GRB10: variants seen among roughly 807,000 people sequenced by gnomAD.
GRB10 encodes the protein growth factor receptor-bound protein 10.
In GRB10, 20 loss-of-function variants were observed where a neutral mutation model predicts 80.9. The ratio of observed to expected loss-of-function variants is 0.25; its 90% CI spans 0.17 to 0.36. The LOEUF (loss-of-function observed/expected upper bound fraction) is 0.36. Among genes scored for constraint, GRB10 ranks in the 10% least tolerant of loss-of-function variants. The probability of loss-of-function intolerance (pLI) is 1.00; values close to 1 mark genes in which losing one functional copy is unlikely to be tolerated. For missense variants in GRB10, 548 were observed against 747.7 expected, an observed-to-expected ratio of 0.73 and a Z score of 3.12; for synonymous variants, 291 against 291.5, an observed-to-expected ratio of 1.00 and a Z score of 0.02.
intron 3 of GRB10, among the ~76,000 whole-genome samples, chr7:50,735,529 C>A (rs2070655902): frequency 6.6e-6 from 1 of 152,012 alleles, no homozygotes; most frequent in Admixed American, 6.6e-5. Context: ...GTAGGTTGAA[C>A]ATGAAAATGA....
At chr7:50,762,971 A>G (rs2075921883) in intron 2 of GRB10, among the ~76,000 whole-genome samples, 1 of 152,168 alleles carries the variant, frequency 6.6e-6, no homozygotes, top group South Asian at 2.1e-4. Context: ...CAAAAAAATT[A>G]GCTGAGCATG....
chr7:50,602,697 T>C (rs796268200), intron 17 of GRB10, among the ~76,000 whole-genome samples: 6 of 152,340 alleles, frequency 3.9e-5, no homozygotes, highest in African/African-American at 1.4e-4. Flanking sequence ...CTCAACTTAA[T>C]TTAAAGGAGT....
intron 5 of GRB10, among the ~76,000 whole-genome samples, chr7:50,683,376 A>G (rs1184751495): frequency 6.6e-6 from 1 of 152,148 alleles, no homozygotes; most frequent in East Asian, 1.9e-4. Flanking sequence ...AGTTCTATGG[A>G]TGGATGGTGG....
intron 3 of GRB10, among the ~76,000 whole-genome samples, chr7:50,747,841 C>A (rs949087609): frequency 6.6e-6 from 1 of 151,686 alleles, no homozygotes; most frequent in South Asian, 2.1e-4. Context: ...AGAAGGAGGG[C>A]GTCTCCAGAC....
At chr7:50,662,666 T>A (rs752157643) in intron 7 of GRB10, among the ~76,000 whole-genome samples, 2 of 152,242 alleles carry the variant, frequency 1.3e-5, no homozygotes, top group African/African-American at 4.8e-5. Context: ...TTGTGGAGCT[T>A]CAGGACCTTG....
At chr7:50,621,454 C>T (rs537239165) in intron 8 of GRB10, among the ~76,000 whole-genome samples, 10 of 152,330 alleles carry the variant, frequency 6.6e-5, no homozygotes, top group East Asian at 1.9e-4. Flanking sequence ...ACTCCCTTTT[C>T]GTCACTCACA....
intron 5 of GRB10, among the ~76,000 whole-genome samples, chr7:50,687,960 G>C (rs982588554): frequency 6.6e-6 from 1 of 152,218 alleles, no homozygotes; most frequent in African/African-American, 2.4e-5. Context: ...CGTCTGTTCT[G>C]CTCAATGCAG....
At chr7:50,681,336 A>G (rs187729429) in intron 5 of GRB10, among the ~76,000 whole-genome samples, 1 of 152,338 alleles carries the variant, frequency 6.6e-6, no homozygotes, top group East Asian at 1.9e-4. Flanking sequence ...CCTGAGCTGC[A>G]TCCCTGGCCC....
At chr7:50,722,720 G>A (rs900016795) in intron 4 of GRB10, among the ~76,000 whole-genome samples, 1 of 152,008 alleles carries the variant, frequency 6.6e-6, no homozygotes, top group Non-Finnish European at 1.5e-5. Context: ...GGGGTGACAG[G>A]GTACCGCCCC....
At chr7:50,621,240 CAG>C (rs897848916) in intron 8 of GRB10, among the ~76,000 whole-genome samples, 1 of 152,240 alleles carries the variant, frequency 6.6e-6, no homozygotes, top group Non-Finnish European at 1.5e-5. Flanking sequence ...TGTAAACACA[CAG>C]GGGGACGTGT....
At chr7:50,620,518 C>T (rs927742170) in intron 8 of GRB10, among the ~76,000 whole-genome samples, 4 of 152,182 alleles carry the variant, frequency 2.6e-5, no homozygotes, top group South Asian at 2.1e-4. Context: ...GGAGCTGATT[C>T]GTGCTCGGCC....
intron 2 of GRB10, among the ~76,000 whole-genome samples, chr7:50,770,497 C>T (rs2076882123): frequency 1.3e-5 from 2 of 152,194 alleles, no homozygotes; most frequent in African/African-American, 4.8e-5. Flanking sequence ...CCTGTGGTAG[C>T]CTCTCACATG....
At chr7:50,621,529 C>A (rs1226014974) in intron 8 of GRB10, among the ~76,000 whole-genome samples, 1 of 152,244 alleles carries the variant, frequency 6.6e-6, no homozygotes, top group African/African-American at 2.4e-5. Flanking sequence ...GTGCAGCCTC[C>A]GGATGCAGCT....
intron 2 of GRB10, among the ~76,000 whole-genome samples, chr7:50,772,669 CA>C (rs1312158127): frequency 6.6e-6 from 1 of 152,056 alleles, no homozygotes; most frequent in Admixed American, 6.5e-5. Flanking sequence ...AAAACATATG[CA>C]AAAATCTTTA....
At chr7:50,747,198 A>G (rs2073092275) in intron 3 of GRB10, among the ~76,000 whole-genome samples, 1 of 152,110 alleles carries the variant, frequency 6.6e-6, no homozygotes, top group African/African-American at 2.4e-5. Flanking sequence ...CACTACAATG[A>G]GGAAGCCAGG....
At chr7:50,713,748 T>TCCTC (rs2066348900) in intron 4 of GRB10, among the ~76,000 whole-genome samples, 1 of 84,694 alleles carries the variant, frequency 1.2e-5, no homozygotes, top group Non-Finnish European at 2.3e-5. Context: ...CACCTCCACC[T>TCCTC]CCTCCACCAT....
intron 2 of GRB10, among the ~76,000 whole-genome samples, chr7:50,776,976 A>C (rs931387976): frequency 6.6e-6 from 1 of 152,050 alleles, no homozygotes; most frequent in African/African-American, 2.4e-5. Flanking sequence ...TCCATCCTCT[A>C]CCCATTACCC....
chr7:50,654,383 A>G (rs2058391637), intron 7 of GRB10, among the ~76,000 whole-genome samples: 1 of 152,160 alleles, frequency 6.6e-6, no homozygotes, highest in Non-Finnish European at 1.5e-5. Flanking sequence ...GCCGCTGCCA[A>G]GCCTCACAGA....
chr7:50,646,560 C>G (rs1195845038), intron 7 of GRB10, among the ~76,000 whole-genome samples: 1 of 151,724 alleles, frequency 6.6e-6, no homozygotes, highest in African/African-American at 2.4e-5. Flanking sequence ...TTTTTGGTCT[C>G]CTGGTTGGAC....
Sources: allele counts gnomAD v4.1 joint callset (sites outside exome capture counted in the v4.1 genomes callset), GRCh38; gene constraint gnomAD v4.1.1; transcripts MANE v1.5; gene names NCBI Gene and HGNC (gene_info 2026-07-23, HGNC 2026-07-21).